Variants in RIOK2 observed in about 807,000 individuals in gnomAD.
RIOK2 encodes the protein RIO kinase 2, also known as serine/threonine-protein kinase RIO2.
In RIOK2, 46 loss-of-function variants were observed where a neutral mutation model predicts 62.4. The ratio of observed to expected loss-of-function variants is 0.74; its 90% confidence interval spans 0.58 to 0.94. RIOK2 has a LOEUF of 0.94. RIOK2 is among the 40% of genes least tolerant of loss of function. The pLI is 0.00. For missense variants in RIOK2, 574 were observed against 658.0 expected (o/e 0.87, Z 1.40); for synonymous variants, 197 against 216.0 (o/e 0.91, Z 0.77).
chr5:97,168,926 C>G (rs140839815), intron 6 of RIOK2, 74 bp from the exon 7 acceptor site: 1 of 818,040 alleles, frequency 1.2e-6, no homozygotes, highest in Non-Finnish European at 1.9e-6. Flanking sequence ...TGACAATATA[C>G]TTATTGGTTA....
chr5:97,182,788 G>GT (rs1283905866), intron 1 of RIOK2: 1 of 229,374 alleles, frequency 4.4e-6, no homozygotes, highest in East Asian at 1.1e-4. Context: ...CGGGGGGGGG[G>GT]GGGGGCTTAA....
chr5:97,177,416 C>A, intron 3 of RIOK2, 125 bp from the exon 4 acceptor site: 1 of 906,746 alleles, frequency 1.1e-6, no homozygotes, highest in South Asian at 1.8e-5. Flanking sequence ...ATTGAGTATC[C>A]CTCCTTATCC....
At chr5:97,176,970 A>T in intron 4 of RIOK2, 146 bp downstream of exon 4, 1 of 680,478 alleles carries the variant, frequency 1.5e-6, no homozygotes, top group Non-Finnish European at 2.5e-6. Context: ...TAATCAACAG[A>T]GTTATTTAAG....
intron 1 of RIOK2, chr5:97,182,692 A>C (rs731021): frequency 0.91 from 194,651 of 212,938 alleles, 89,116 homozygotes; most frequent in Middle Eastern, 0.96. Flanking sequence ...CTACTAAAAA[A>C]CCGACAAATA....
chr5:97,173,278 A>T lies in RIOK2; in HGVS notation c.499-15T>A, dbSNP rs1580272435. 1.3e-6 allele frequency: 2 copies of T among 1,569,432 alleles called. No individual in the cohort carries two copies. Among genetic ancestry groups the T allele is most frequent in the Non-Finnish European group, 1.8e-6 (2 of 1,140,234 alleles). ...TCATACAATGCCTAAAATGTTGCAA[A>T]ACAGGTGTAAGCTAATGAACAGGTC... On this transcript the variant is annotated splice_polypyrimidine_tract_variant and intron_variant, in intron 4 of 9. Coordinates refer to ENST00000283109, the MANE Select transcript of RIOK2 (RefSeq NM_018343.3).
At chr5:97,166,696 T>C (rs1748850051) in intron 8 of RIOK2, 4 of 837,522 alleles carry the variant, frequency 4.8e-6, no homozygotes, top group Non-Finnish European at 4.3e-6. Context: ...TAACTACACA[T>C]GAACAAAGGA....
chr5:97,176,533 G>A (rs1251529627), intron 4 of RIOK2, among the ~76,000 whole-genome samples: 1 of 152,038 alleles, frequency 6.6e-6, no homozygotes, highest in Non-Finnish European at 1.5e-5. Flanking sequence ...GTAGGGATGG[G>A]GTTTCACCTT....
intron 2 of RIOK2, 112 bp from the exon 3 acceptor site, chr5:97,177,960 T>TA: frequency 1.5e-6 from 1 of 676,208 alleles, no homozygotes; most frequent in East Asian, 2.6e-5. Context: ...TGGAAAAAGA[T>TA]AAACTGCCCA....
chr5:97,163,128 T>G lies in RIOK2; in HGVS notation c.1592A>C (p.Lys531Thr). 8 of 1,613,650 alleles carry G rather than the reference T, an allele frequency of 5.0e-6. No homozygotes were observed. The highest frequency in any genetic ancestry group is 5.9e-6 in the Non-Finnish European group (7 of 1,179,834). The change falls in exon 10 of 10, where the codon AAG becomes ACG. Residue 531 changes from lysine (K) to threonine (T), a missense_variant. Physicochemically the swap from Lys to Thr is moderately conservative, Grantham distance 78. Coordinates refer to ENST00000283109, the MANE Select transcript of RIOK2 (RefSeq NM_018343.3). Reference sequence around the variant, plus strand: ...ATTTTGCATGTTTTCCCTACGTTGCTTGGTAAATATATTTGCTTCTCCTTT... The same window carrying G: ...ATTTTGCATGTTTTCCCTACGTTGCGTGGTAAATATATTTGCTTCTCCTTT... ...LQKGEANIFT[K>T]QRRENMQNIK...
intron 4 of RIOK2, among the ~76,000 whole-genome samples, chr5:97,175,059 A>AAAATAAATAAATAAATAAATAAATAAAT (rs78028300): frequency 4.0e-5 from 6 of 151,118 alleles, no homozygotes; most frequent in African/African-American, 1.5e-4. Flanking sequence ...CCTTGTCTTG[A>AAAATAAATAAATAAATAAATAAATAAAT]AAATAAATAA....
chr5:97,165,306 CTACT>C (rs1748815596), intron 8 of RIOK2, among the ~76,000 whole-genome samples, 159 bp from the exon 9 acceptor site: 1 of 152,132 alleles, frequency 6.6e-6, no homozygotes, highest in South Asian at 2.1e-4. Flanking sequence ...ATAAAACTAC[CTACT>C]GTTAAGTTCT....
intron 1 of RIOK2, among the ~76,000 whole-genome samples, chr5:97,180,494 C>G: frequency 6.6e-6 from 1 of 151,696 alleles, no homozygotes; most frequent in African/African-American, 2.4e-5. Context: ...TTCATGCAAA[C>G]GCGGCTGGAA....
intron 4 of RIOK2, among the ~76,000 whole-genome samples, chr5:97,175,420 G>C (rs1046158798): frequency 1.3e-5 from 2 of 152,090 alleles, no homozygotes; most frequent in African/African-American, 2.4e-5. Context: ...TTATCTTCTT[G>C]TTCCTCTCTT....
At position 97,171,276 on chromosome 5, in the gene RIOK2, C is replaced by A; in HGVS notation, c.709G>T (p.Asp237Tyr). The change falls in exon 6 of 10, where the codon GAT becomes TAT. Residue 237 changes from aspartate to tyrosine, a missense_variant. Transcript: ENST00000283109. ...GDFNEFNLIL[D>Y]ESDHITMIDF... ...ATCATGGTGATATGGTCACTTTCAT[C>A]CAAAATGAGATTAAATTCATTAAAA... 1 of 1,607,522 alleles carries A rather than the reference C, an allele frequency of 6.2e-7. No individual in the cohort carries two copies. Among genetic ancestry groups the A allele is most frequent in the Non-Finnish European group, 8.5e-7 (1 of 1,176,962 alleles).
Position 97,163,087 on chromosome 5 carries a change from C to T in RIOK2, c.1633G>A (p.Glu545Lys). The change falls in exon 10 of 10, where the codon GAA becomes AAA. Residue 545 changes from glutamate to lysine, a missense_variant. Glu to Lys is a moderately conservative substitution (Grantham distance 56). Transcript: ENST00000283109. ...TATTCTCCCCAAAAGCTGGCTGCTT[C>T]CAAACTTGATTTGATATTTTGCATG... ...ENMQNIKSSLEAASFWGE is the reference protein window; with the variant it reads ...ENMQNIKSSLKAASFWGE 6.2e-7 allele frequency: 1 copy of T among 1,612,892 alleles called. No homozygotes were observed. Among genetic ancestry groups the T allele is most frequent in the Non-Finnish European group, 8.5e-7 (1 of 1,179,504 alleles).
At chr5:97,171,006 A>T (rs1340168344) in intron 6 of RIOK2, among the ~76,000 whole-genome samples, 200 bp downstream of exon 6, 1 of 151,756 alleles carries the variant, frequency 6.6e-6, no homozygotes, top group Non-Finnish European at 1.5e-5. Context: ...AAAAAAATAC[A>T]AAAAATTAGC....
rs1190978959 is a variant in RIOK2 at position 97,161,274 on chromosome 5, A to G, written c.*1787T>C. The G allele has an allele frequency of 1.3e-5, 2 of 152,248 alleles. No individual in the cohort carries two copies. The highest frequency in any genetic ancestry group is 2.9e-5 in the Non-Finnish European group (2 of 68,042). The allele number at this position is 152,248 out of a possible 1,614,324, so 9.4% of individuals were successfully genotyped here. On this transcript the variant is annotated 3_prime_UTR_variant, in exon 10 of 10. Transcript: ENST00000283109. ...GGCAAAAAAAAGTGTTTTAACAATCACAATATACAGCTTTACATTAGTAAA... is the reference window on the plus strand; with the variant it reads ...GGCAAAAAAAAGTGTTTTAACAATCGCAATATACAGCTTTACATTAGTAAA...
chr5:97,168,059 C>A, intron 7 of RIOK2, 68 bp from the exon 8 acceptor site: 1 of 1,429,568 alleles, frequency 7.0e-7, no homozygotes, highest in Non-Finnish European at 9.3e-7. Flanking sequence ...CAAATATCTA[C>A]TACTCTGATA....
chr5:97,174,375 G>A (rs1749104724), intron 4 of RIOK2, among the ~76,000 whole-genome samples: 1 of 152,264 alleles, frequency 6.6e-6, no homozygotes, highest in East Asian at 1.9e-4. Flanking sequence ...AGTTGATATC[G>A]TGCCACTGCA....
Sources: gnomAD v4.1 joint callset for allele counts (sites outside exome capture counted in the v4.1 genomes callset) on GRCh38, gnomAD v4.1.1 for gene constraint, MANE v1.5 for transcripts, NCBI Gene and HGNC (gene_info 2026-07-23, HGNC 2026-07-21) for gene names.